Variants in PPP1R12C observed in about 807,000 individuals in gnomAD.
PPP1R12C encodes protein phosphatase 1 regulatory subunit 12C.
A neutral mutation model predicts 95.6 loss-of-function variants in PPP1R12C; 48 were observed. The ratio of observed to expected loss-of-function variants is 0.50; its 90% CI spans 0.40 to 0.64. The LOEUF is 0.64. PPP1R12C is among the 30% of genes least tolerant of loss of function. PPP1R12C has a pLI of 0.00. For missense variants in PPP1R12C, 1,057 were observed against 1,083.3 expected (o/e 0.98, Z 0.34); for synonymous variants, 480 against 460.8 (o/e 1.04, Z -0.53).
chr19:55,105,905 G>C (rs997693149), intron 3 of PPP1R12C, among the ~76,000 whole-genome samples: 1 of 150,840 alleles, frequency 6.6e-6, no homozygotes, highest in South Asian at 2.1e-4. Flanking sequence ...TCACTCCACC[G>C]CACTCCAGCC....
chr19:55,094,550 C>A, intron 12 of PPP1R12C, 111 bp downstream of exon 12: 1 of 1,558,576 alleles, frequency 6.4e-7, no homozygotes, highest in East Asian at 2.3e-5. Flanking sequence ...TCCCAGCAGA[C>A]CTGAGGCCAG....
In PPP1R12C at chr19:55,117,492, C is replaced by A; in HGVS notation, c.52G>T (p.Ala18Ser). The A allele has an allele frequency of 9.7e-7, 1 of 1,025,798 alleles. No individual in the cohort carries two copies. The highest frequency in any genetic ancestry group is 1.2e-6 in the Non-Finnish European group (1 of 857,156). The allele number at this position is 1,025,798 out of a possible 1,614,324, so 63.5% of individuals were successfully genotyped here. Residue 18 changes from alanine to serine, a missense_variant, in exon 1 of 22, where the codon GCC (alanine) becomes TCC (serine). Around this residue, in one of 5 missense-constraint regions of PPP1R12C, gnomAD observed 70 missense variants for 47.8 expected, o/e 1.46. Transcript: ENST00000263433. Reference sequence around the variant, plus strand: ...AGCTGCTCCCGTCGCCGCTCCCGGGCAGCCGCCGCCGCCGCCCCCGGGCCA... The same window carrying A: ...AGCTGCTCCCGTCGCCGCTCCCGGGAAGCCGCCGCCGCCGCCCCCGGGCCA... The part of the protein sequence containing the change: ...AAGPGAAAAA[A>S]RERRREQLRQ...
rs1191231194 is a variant in PPP1R12C, at chr19:55,117,601, C to G, written c.-58G>C. 1 of 898,962 alleles carries G rather than the reference C, an allele frequency of 1.1e-6. No individual in the cohort carries two copies. The highest frequency in any genetic ancestry group is 1.3e-6 in the Non-Finnish European group (1 of 763,582). 55.7% of individuals were successfully genotyped at this position (898,962 alleles called of 1,614,324 possible). Reference sequence around the variant, plus strand: ...CGCCGAGCCCCAACCGCCGCCACCACCCGCCCGCCCGCCCGCCCCGGGGGC... The same window carrying G: ...CGCCGAGCCCCAACCGCCGCCACCAGCCGCCCGCCCGCCCGCCCCGGGGGC... On this transcript the variant is annotated 5_prime_UTR_variant, in exon 1 of 22. Coordinates refer to ENST00000263433, the MANE Select transcript of PPP1R12C (RefSeq NM_017607.4).
At position 55,095,504 on chromosome 19, in the gene PPP1R12C, G is replaced by C; in HGVS notation, c.1327C>G (p.Pro443Ala). ...GCCGAGCGCTGCAGCCCAGCCCCAG[G>C]GGCTCCCTCCGCTGTCCGCCTTTCA... ...PPERRTAEGA[P>A]GAGLQRSASS... The change falls in exon 10 of 22, where the codon CCT (proline) becomes GCT (alanine). Residue 443 changes from proline to alanine, a missense_variant. Physicochemically the swap from Pro to Ala is conservative, Grantham distance 27 (BLOSUM62 -1). Around this residue, in one of 5 missense-constraint regions of PPP1R12C, gnomAD observed 356 missense variants for 330.5 expected, o/e 1.08. Transcript: ENST00000263433. The C allele has an allele frequency of 1.9e-6, 3 of 1,574,108 alleles. No individual in the cohort carries two copies. Among genetic ancestry groups the C allele is most frequent in the Non-Finnish European group, 1.7e-6 (2 of 1,159,846 alleles).
rs1264348291 is a variant in PPP1R12C, at chr19:55,109,052, G to A, written c.571+3415C>T. ...CCATTCATTCGATGATGGGCACTAG[G>A]TTGCTCCTACCTCTGGGCTATTGTG... On this transcript the variant is annotated intron_variant, in intron 3 of 21. Transcript: ENST00000263433. The surrounding 1 kb of genome is among the most constrained non-coding windows in gnomAD (Gnocchi z 4.4). Among the ~76,000 whole-genome samples, 3 of 152,176 alleles carry A rather than the reference G, an allele frequency of 2.0e-5. No homozygotes were observed. The highest frequency in any genetic ancestry group is 4.4e-5 in the Non-Finnish European group (3 of 68,034).
Position 55,097,169 on chromosome 19 carries a change from G to C in PPP1R12C, c.952-834C>G, listed in dbSNP as rs531004471. ...TCACCACCGTCTTCACCCCTTCCCT[G>C]CAGTTCACCACCGTCTTCACCCCTT... is the stretch of plus-strand genomic sequence containing the variant. On this transcript the variant is annotated intron_variant, in intron 6 of 21. Transcript: ENST00000263433. The C allele has an allele frequency of 2.5e-4, 56 of 224,376 alleles. 1 individual carries two copies. Among genetic ancestry groups the C allele is most frequent in the African/African-American group, 1.8e-3 (49 of 26,762 alleles). 13.9% of individuals were successfully genotyped at this position (224,376 alleles called of 1,614,324 possible). A position where few individuals can be genotyped will look rare whatever the true frequency, so the allele number is the denominator to read the frequency against.
chr19:55,098,237 C>T (rs565193422), intron 6 of PPP1R12C, among the ~76,000 whole-genome samples: 1 of 152,312 alleles, frequency 6.6e-6, no homozygotes, highest in African/African-American at 2.4e-5. Context: ...CAGTTGCGCA[C>T]CATACCATTC....
Position 55,092,843 on chromosome 19 carries a change from C to T in PPP1R12C, c.1851G>A (p.Pro617=), listed in dbSNP as rs1300043278. 1.9e-6 allele frequency: 3 copies of T among 1,574,064 alleles called. No homozygotes were observed. The highest frequency in any genetic ancestry group is 2.4e-5 in the East Asian group (1 of 42,348). Residue 617 remains proline, a synonymous_variant, in exon 16 of 22, where the codon CCG becomes CCA. Coordinates refer to ENST00000263433, the MANE Select transcript of PPP1R12C (RefSeq NM_017607.4). ...GGTGCTCCCTGGCCGCCTGCGGTCC[C>T]GGACCCTGCCCGTCGGGCGCCTCTG... The part of the protein sequence containing the change: ...QRAEAPDGQG[P]GPQAAREHRK...
intron 6 of PPP1R12C, among the ~76,000 whole-genome samples, chr19:55,097,325 C>T (rs1305102156): frequency 8.0e-6 from 1 of 124,276 alleles, no homozygotes; most frequent in Non-Finnish European, 1.7e-5. Flanking sequence ...CCGTCTTCAC[C>T]CCTTCCCTGC....
chr19:55,110,869 C>CAA (rs111683513), intron 3 of PPP1R12C, among the ~76,000 whole-genome samples: 13 of 64,338 alleles, frequency 2.0e-4, no homozygotes, highest in African/African-American at 6.9e-4. Flanking sequence ...AACTCTGTTT[C>CAA]AAAAAAAAAA....
Position 55,095,618 on chromosome 19 carries a change from A to G in PPP1R12C, c.1228-15T>C, listed in dbSNP as rs767560315. ...TCTTCAAGCTGCTGGGAGAAGGAGGAGGTCTCAGTTAGAGAGAAAGGATCC... is the reference window on the plus strand; with the variant it reads ...TCTTCAAGCTGCTGGGAGAAGGAGGGGGTCTCAGTTAGAGAGAAAGGATCC... On this transcript the variant is annotated splice_polypyrimidine_tract_variant and intron_variant, in intron 9 of 21. Transcript: ENST00000263433. 2.6e-6 allele frequency: 4 copies of G among 1,544,044 alleles called. No homozygotes were observed. Among genetic ancestry groups the G allele is most frequent in the Non-Finnish European group, 3.5e-6 (4 of 1,149,590 alleles).
At chr19:55,113,475 G>C in intron 1 of PPP1R12C, 1 of 1,473,352 alleles carries the variant, frequency 6.8e-7, no homozygotes, top group Non-Finnish European at 9.0e-7. Flanking sequence ...GGCTGACACG[G>C]GCCACCGTTT....
intron 1 of PPP1R12C, chr19:55,113,421 T>G (rs748508177): frequency 6.7e-7 from 1 of 1,500,258 alleles, no homozygotes; most frequent in South Asian, 1.2e-5. Flanking sequence ...GCTGTCACAC[T>G]CCAGTTCACT....
rs1246115421 is a variant in PPP1R12C, at chr19:55,109,709, G to A, written c.571+2758C>T. 2.0e-5 allele frequency among the ~76,000 whole-genome samples: 3 copies of A among 152,260 alleles called. No homozygotes were observed. The highest frequency in any genetic ancestry group is 4.1e-4 in the South Asian group (2 of 4,832). ...CCACACTATGGCCAGAGCCAGTCTG[G>A]ATGCCAGCACCTCGGGGAATTCTGC... On this transcript the variant is annotated intron_variant, in intron 3 of 21. Coordinates refer to ENST00000263433, the MANE Select transcript of PPP1R12C (RefSeq NM_017607.4). The surrounding 1 kb of genome is among the most constrained non-coding windows in gnomAD (Gnocchi z 4.4).
intron 11 of PPP1R12C, 177 bp downstream of exon 11, chr19:55,095,114 G>A (rs1049596435): frequency 6.4e-6 from 5 of 782,320 alleles, no homozygotes; most frequent in African/African-American, 3.5e-5. Context: ...AGAAGGTGAC[G>A]TTTCAACACA....
intron 3 of PPP1R12C, among the ~76,000 whole-genome samples, chr19:55,108,735 T>C (rs2147205833): frequency 6.6e-6 from 1 of 152,330 alleles, no homozygotes; most frequent in Middle Eastern, 3.4e-3. Context: ...GAGACACAGT[T>C]TCCTCTTGTT....
Position 55,109,600 on chromosome 19 carries a change from T to C in PPP1R12C, c.571+2867A>G, listed in dbSNP as rs939545742. On this transcript the variant is annotated intron_variant, in intron 3 of 21. Coordinates refer to ENST00000263433, the MANE Select transcript of PPP1R12C (RefSeq NM_017607.4). This position sits in a 1 kb window ranked among gnomAD's most constrained non-coding sequence, Gnocchi z 4.4. The stretch of plus-strand genomic sequence containing the variant: ...GACCCAGAGAGAGGAAAACAGCAAG[T>C]AAGCCAGGGAAAGCGAAGGGGATGG... Among the ~76,000 whole-genome samples the C allele has an allele frequency of 1.3e-5, 2 of 152,204 alleles. No individual in the cohort carries two copies. The highest frequency in any genetic ancestry group is 2.9e-5 in the Non-Finnish European group (2 of 68,048).
At chr19:55,092,580 C>T in intron 17 of PPP1R12C, 36 bp from the exon 18 acceptor site, 10 of 1,561,586 alleles carry the variant, frequency 6.4e-6, no homozygotes, top group Non-Finnish European at 8.7e-6. Flanking sequence ...AGGGGCCGGC[C>T]CGGCCCGCAC....
At chr19:55,107,782 T>C (rs571994645) in intron 3 of PPP1R12C, among the ~76,000 whole-genome samples, 7 of 151,726 alleles carry the variant, frequency 4.6e-5, no homozygotes, top group Non-Finnish European at 1.0e-4. Context: ...ACATGGCACA[T>C]GTATACATAT....
Sources: gnomAD v4.1 joint callset for allele counts (sites outside exome capture counted in the v4.1 genomes callset) on GRCh38, gnomAD v4.1.1 for gene constraint, gnomAD v4.1.1 regional missense constraint, Gnocchi (gnomAD v3.1) non-coding constraint, MANE v1.5 for transcripts, NCBI Gene and HGNC (gene_info 2026-07-23, HGNC 2026-07-21) for gene names.